Variants in TP73 observed in about 807,000 individuals in gnomAD.
The protein encoded by TP73 is tumor protein p73, also known as p53-like transcription factor.
In TP73, 25 loss-of-function variants were observed where a neutral mutation model predicts 62.5. The ratio of observed to expected loss-of-function variants is 0.40; its 90% CI spans 0.29 to 0.56. The LOEUF is 0.56. TP73 is among the 20% of genes least tolerant of loss of function. The pLI is 0.46. For missense variants in TP73, 754 were observed against 913.3 expected (o/e 0.83, Z 2.25); for synonymous variants, 423 against 377.5 (o/e 1.12, Z -1.40).
intron 4 of TP73, among the ~76,000 whole-genome samples, chr1:3,717,357 C>G (rs567787658): frequency 6.6e-6 from 1 of 152,164 alleles, no homozygotes; most frequent in African/African-American, 2.4e-5. Flanking sequence ...GGAGAGGAGC[C>G]GGCAGCGTGG....
At chr1:3,731,830 A>T (rs1230738176) in intron 13 of TP73, among the ~76,000 whole-genome samples, 2 of 152,180 alleles carry the variant, frequency 1.3e-5, no homozygotes, top group Non-Finnish European at 2.9e-5. Context: ...CTTTGATTTT[A>T]GGGGATGGGC....
At chr1:3,727,879 C>A (rs1408747264) in intron 8 of TP73, 109 bp downstream of exon 8, 57 of 1,412,284 alleles carry the variant, frequency 4.0e-5, no homozygotes, top group Non-Finnish European at 5.2e-5. Context: ...CCTGAACGGC[C>A]CCCCACGCCC....
rs951872556 is a variant in TP73, at chr1:3,699,778, C to T, written c.187-7771C>T. On this transcript the variant is annotated intron_variant, in intron 3 of 13. Transcript: ENST00000378295. This position sits in a 1 kb window ranked among gnomAD's most constrained non-coding sequence, Gnocchi z 4.1. ...GGAGAGGTGACAGGAGCGAGGGAGG[C>T]GGAGGTGGAGCTGGGGAGGGGCCAG... 2.6e-5 allele frequency among the ~76,000 whole-genome samples: 4 copies of T among 152,090 alleles called. No individual in the cohort carries two copies. The highest frequency in any genetic ancestry group is 1.9e-4 in the East Asian group (1 of 5,184).
chr1:3,682,914 A>T (rs1645558539), intron 2 of TP73, 146 bp from the exon 3 acceptor site: 2 of 1,113,422 alleles, frequency 1.8e-6, no homozygotes, highest in Admixed American at 5.0e-5. Context: ...GGTGGAGGAC[A>T]GAGATGGGAT....
In TP73 at chr1:3,731,487, A is replaced by C. The variant is rs767463459; in HGVS notation, c.1509A>C (p.Pro503=). 1 of 1,613,816 alleles carries C rather than the reference A, an allele frequency of 6.2e-7. No homozygotes were observed. The highest frequency in any genetic ancestry group is 1.1e-5 in the South Asian group (1 of 91,090). ...LVSFLTGLGC[P]NCIEYFTSQG... is the part of the protein sequence containing the mutation. ...GTTTTTTAACAGGATTGGGGTGTCCAAACTGCATCGAGTATTTCACCTCCC... is the reference window on the plus strand; with the variant it reads ...GTTTTTTAACAGGATTGGGGTGTCCCAACTGCATCGAGTATTTCACCTCCC... The change falls in exon 13 of 14, where the codon CCA becomes CCC. Residue 503 remains proline, a synonymous_variant. Transcript: ENST00000378295.
intron 6 of TP73, among the ~76,000 whole-genome samples, chr1:3,725,964 GGATGGGGT>G (rs1641520105): frequency 7.5e-6 from 1 of 133,852 alleles, no homozygotes; most frequent in South Asian, 2.8e-4. Context: ...GTGGATGGAT[GGATGGGGT>G]GGATGGGTGG....
intron 4 of TP73, 154 bp downstream of exon 4, chr1:3,707,945 G>A: frequency 7.7e-7 from 1 of 1,304,528 alleles, no homozygotes; most frequent in East Asian, 2.5e-5. Flanking sequence ...CGGGCAGGAG[G>A]CGGGTCTCAG....
At chr1:3,691,447 C>T (rs10732965) in intron 3 of TP73, among the ~76,000 whole-genome samples, 150,750 of 152,130 alleles carry the variant, frequency 0.99, 74,692 homozygotes, top group East Asian at 1. Context: ...TTCTTGTCAG[C>T]CCCACGGGCT....
intron 1 of TP73, among the ~76,000 whole-genome samples, chr1:3,679,331 C>T (rs1645452701): frequency 6.6e-6 from 1 of 152,244 alleles, no homozygotes; most frequent in African/African-American, 2.4e-5. Context: ...CGGAGGGATG[C>T]CCCGTGCACA....
At chr1:3,726,288 GT>G (rs1641583462) in intron 6 of TP73, among the ~76,000 whole-genome samples, 5 of 32,150 alleles carry the variant, frequency 1.6e-4, no homozygotes, top group Non-Finnish European at 7.7e-4. Flanking sequence ...GGGTGGGTGG[GT>G]GGATGGATGG....
chr1:3,720,387 A>G (rs965866637), intron 4 of TP73, among the ~76,000 whole-genome samples: 2 of 152,198 alleles, frequency 1.3e-5, no homozygotes, highest in African/African-American at 4.8e-5. Flanking sequence ...CAGGGGCTCC[A>G]GGTGGACGGA....
rs1645276387 is a variant in TP73, at chr1:3,672,962, T to G, written c.-33-9371T>G. On this transcript the variant is annotated intron_variant, in intron 1 of 13. Coordinates refer to ENST00000378295, the MANE Select transcript of TP73 (RefSeq NM_005427.4). This position sits in a 1 kb window ranked among gnomAD's most constrained non-coding sequence, Gnocchi z 5.3. ...CTCCAAGGCGCAAGCAAGCTGGGGCTGGGGTGCAGACTTCTCTTCCACCAC... is the reference window on the plus strand; with the variant it reads ...CTCCAAGGCGCAAGCAAGCTGGGGCGGGGGTGCAGACTTCTCTTCCACCAC... Among the ~76,000 whole-genome samples, 1 of 152,196 alleles carries G rather than the reference T, an allele frequency of 6.6e-6. No homozygotes were observed. Among genetic ancestry groups the G allele is most frequent in the African/African-American group, 2.4e-5 (1 of 41,450 alleles).
At chr1:3,658,396 G>A (rs1238543612) in intron 1 of TP73, among the ~76,000 whole-genome samples, 1 of 152,216 alleles carries the variant, frequency 6.6e-6, no homozygotes, top group East Asian at 1.9e-4. Flanking sequence ...ATAAAAACAG[G>A]AGACTCAGCA....
intron 1 of TP73, among the ~76,000 whole-genome samples, chr1:3,671,207 G>A (rs1422549031): frequency 6.6e-6 from 1 of 152,216 alleles, no homozygotes; most frequent in African/African-American, 2.4e-5. Flanking sequence ...TGGCAGGGGT[G>A]GGCCTGTCCC....
chr1:3,687,628 G>A (rs958146263), intron 3 of TP73, among the ~76,000 whole-genome samples: 2 of 152,168 alleles, frequency 1.3e-5, no homozygotes, highest in Admixed American at 1.3e-4. Flanking sequence ...GGAGGACACA[G>A]GAGGGGAGAA....
At chr1:3,708,068 A>T (rs1174465106) in intron 4 of TP73, 2 of 540,284 alleles carry the variant, frequency 3.7e-6, no homozygotes, top group Admixed American at 6.4e-5. Context: ...ATCTCTGCCA[A>T]GACTGGCCAG....
In TP73 at chr1:3,731,445, C is replaced by A; in HGVS notation, c.1485-18C>A. 1 of 1,611,914 alleles carries A rather than the reference C, an allele frequency of 6.2e-7. No homozygotes were observed. The highest frequency in any genetic ancestry group is 8.5e-7 in the Non-Finnish European group (1 of 1,178,666). On this transcript the variant is annotated intron_variant, in intron 12 of 13. Transcript: ENST00000378295. ...CTCGGAAGCTAATGCTGCTTCCTTT[C>A]TCAAATTCTCTCTGCAGTTTTTTAA...
intron 3 of TP73, among the ~76,000 whole-genome samples, 155 bp from the exon 4 acceptor site, chr1:3,707,394 A>G (rs1639751642): frequency 6.6e-6 from 1 of 152,192 alleles, no homozygotes; most frequent in Non-Finnish European, 1.5e-5. Flanking sequence ...CAATGCAAGT[A>G]GTGGCCTGTT....
At chr1:3,704,405 G>C (rs970754936) in intron 3 of TP73, among the ~76,000 whole-genome samples, 1 of 152,086 alleles carries the variant, frequency 6.6e-6, no homozygotes, top group African/African-American at 2.4e-5. Context: ...CCCCCACCCT[G>C]TGTGGCCAGT....
Sources: gnomAD v4.1 joint callset for allele counts (sites outside exome capture counted in the v4.1 genomes callset) on GRCh38, gnomAD v4.1.1 for gene constraint, Gnocchi (gnomAD v3.1) non-coding constraint, MANE v1.5 for transcripts, NCBI Gene and HGNC (gene_info 2026-07-23, HGNC 2026-07-21) for gene names.